The following NELL1 variants were observed in gnomAD, a reference collection of about 807,000 sequenced individuals.
NELL1 encodes the protein protein kinase C-binding protein NELL1.
In NELL1, 76 loss-of-function variants were observed where a neutral mutation model predicts 107.4. That is an observed-to-expected ratio of 0.71 (90% CI 0.59 to 0.86). The LOEUF is 0.86. Ranked by LOEUF, NELL1 falls within the 40% of genes least tolerant of loss-of-function variation. The pLI is 0.00. For synonymous variants in NELL1, 353 were observed against 341.2 expected, an observed-to-expected ratio of 1.03 and a Z score of -0.38; for missense variants, 1,024 against 1,005.5, an observed-to-expected ratio of 1.02 and a Z score of -0.25.
intron 12 of NELL1, among the ~76,000 whole-genome samples, chr11:20,965,784 G>C (rs1590471929): frequency 6.6e-6 from 1 of 152,130 alleles, no homozygotes; most frequent in Non-Finnish European, 1.5e-5. Context: ...GGCTGGGAAA[G>C]TGGTAGAGAG....
intron 12 of NELL1, among the ~76,000 whole-genome samples, chr11:21,043,503 A>T (rs189412855): frequency 2.4e-3 from 370 of 152,284 alleles, no homozygotes; most frequent in African/African-American, 8.7e-3. Flanking sequence ...GGTTCACGTT[A>T]TGAAAGGTCC....
chr11:20,690,674 T>C (rs1854439315), intron 2 of NELL1, among the ~76,000 whole-genome samples: 1 of 151,970 alleles, frequency 6.6e-6, no homozygotes, highest in South Asian at 2.1e-4. Flanking sequence ...CATGCTGTTT[T>C]GGTTACCGTA....
intron 3 of NELL1, among the ~76,000 whole-genome samples, chr11:20,795,121 T>G (rs2133995226): frequency 6.6e-6 from 1 of 152,322 alleles, no homozygotes; most frequent in South Asian, 2.1e-4. Context: ...GACATCTCTC[T>G]CACCTGGTGG....
At chr11:21,036,554 C>T (rs949502563) in intron 12 of NELL1, among the ~76,000 whole-genome samples, 1 of 152,074 alleles carries the variant, frequency 6.6e-6, no homozygotes, top group African/African-American at 2.4e-5. Flanking sequence ...TCTATTTTCT[C>T]TTCCTTGGAA....
chr11:21,217,963 A>G (rs1327747693), intron 13 of NELL1, among the ~76,000 whole-genome samples: 1 of 152,224 alleles, frequency 6.6e-6, no homozygotes, highest in Non-Finnish European at 1.5e-5. Context: ...GGAAATGAGA[A>G]GGAAGAAGAA....
At chr11:20,872,833 C>A (rs1345630808) in intron 4 of NELL1, among the ~76,000 whole-genome samples, 1 of 152,022 alleles carries the variant, frequency 6.6e-6, no homozygotes, top group East Asian at 1.9e-4. Flanking sequence ...AATCATCAGG[C>A]CTTTAGAGAG....
chr11:20,835,989 A>G (rs1358674428), intron 3 of NELL1, among the ~76,000 whole-genome samples: 1 of 152,172 alleles, frequency 6.6e-6, no homozygotes, highest in East Asian at 1.9e-4. Context: ...AGATTAAAAA[A>G]ACAAGTTATA....
chr11:20,932,647 C>T (rs941350357), intron 9 of NELL1, among the ~76,000 whole-genome samples: 2 of 152,144 alleles, frequency 1.3e-5, no homozygotes, highest in African/African-American at 4.8e-5. Context: ...GTGGTAGGGT[C>T]CGCTATTATC....
intron 15 of NELL1, 29 bp downstream of exon 15, chr11:21,370,977 G>T: frequency 6.7e-7 from 1 of 1,492,288 alleles, no homozygotes; most frequent in Non-Finnish European, 9.3e-7. Flanking sequence ...TGGGGGATAG[G>T]GACAAAGATT....
chr11:21,497,604 A>G (rs1262027820), intron 15 of NELL1, among the ~76,000 whole-genome samples: 1 of 152,074 alleles, frequency 6.6e-6, no homozygotes, highest in Admixed American at 6.6e-5. Flanking sequence ...TTTGTTTGTG[A>G]GCAAAGGCAG....
At chr11:21,550,810 T>A (rs1182380949) in intron 16 of NELL1, among the ~76,000 whole-genome samples, 3 of 151,940 alleles carry the variant, frequency 2.0e-5, no homozygotes, top group Non-Finnish European at 2.9e-5. Flanking sequence ...CTTAGGATTG[T>A]CTTGGCAATG....
At chr11:21,207,140 A>T (rs1012508353) in intron 13 of NELL1, among the ~76,000 whole-genome samples, 1 of 152,206 alleles carries the variant, frequency 6.6e-6, no homozygotes, top group African/African-American at 2.4e-5. Flanking sequence ...TAGTTTAATA[A>T]TGCATTTCTA....
At chr11:20,872,632 T>A (rs1849224078) in intron 4 of NELL1, among the ~76,000 whole-genome samples, 1 of 151,668 alleles carries the variant, frequency 6.6e-6, no homozygotes, top group Admixed American at 6.6e-5. Flanking sequence ...AGTCAAAGAA[T>A]ACTAATCCCT....
At chr11:21,528,249 A>G (rs1419213403) in intron 15 of NELL1, among the ~76,000 whole-genome samples, 1 of 152,198 alleles carries the variant, frequency 6.6e-6, no homozygotes, top group Admixed American at 6.5e-5. Flanking sequence ...GCATTATGGC[A>G]TAGGTAATTG....
At position 20,824,474 on chromosome 11, in the gene NELL1, T is replaced by C. The variant is rs139136721; in HGVS notation, c.336-23109T>C. On this transcript the variant is annotated intron_variant, in intron 3 of 19. Transcript: ENST00000357134. Reference sequence around the variant, plus strand: ...ACAGTTTGGAGGGCTCAGAAGAAGATAGGAAAATGTGGTAAAGTTTGGAAC... The same window carrying C: ...ACAGTTTGGAGGGCTCAGAAGAAGACAGGAAAATGTGGTAAAGTTTGGAAC... Among the ~76,000 whole-genome samples, 148 of 151,120 alleles carry C rather than the reference T, an allele frequency of 9.8e-4. 2 individuals carry two copies. The highest frequency in any genetic ancestry group is 3.5e-3 in the African/African-American group (145 of 41,394).
At position 21,228,982 on chromosome 11, in the gene NELL1, A is replaced by G. The variant is rs1857970870; in HGVS notation, c.1427-350A>G. 2.6e-5 allele frequency among the ~76,000 whole-genome samples: 4 copies of G among 152,018 alleles called. No individual in the cohort carries two copies. The South Asian group carries it at 6.2e-4, about 24-fold the overall frequency. ...ACCCTCTGACATATCAAATGTTTGC[A>G]GGATGAGGCAGTGCAAAATTCCCCC... On this transcript the variant is annotated intron_variant, in intron 13 of 19. Coordinates refer to ENST00000357134, the MANE Select transcript of NELL1 (RefSeq NM_006157.5).
At chr11:20,838,541 A>G (rs936548273) in intron 3 of NELL1, among the ~76,000 whole-genome samples, 4 of 151,984 alleles carry the variant, frequency 2.6e-5, no homozygotes, top group Non-Finnish European at 5.9e-5. Context: ...AAAACTTTGT[A>G]CAAATACATG....
chr11:20,997,879 G>A (rs936106585), intron 12 of NELL1, among the ~76,000 whole-genome samples: 1 of 151,906 alleles, frequency 6.6e-6, no homozygotes, highest in Non-Finnish European at 1.5e-5. Flanking sequence ...GGCTGAAGCA[G>A]GAGAATCACT....
intron 15 of NELL1, among the ~76,000 whole-genome samples, chr11:21,428,940 T>C (rs1234445149): frequency 6.6e-6 from 1 of 152,206 alleles, no homozygotes; most frequent in Non-Finnish European, 1.5e-5. Context: ...CCATTTAGCA[T>C]TGCTAATGGC....
Sources: gnomAD v4.1 joint callset for allele counts (sites outside exome capture counted in the v4.1 genomes callset) on GRCh38, gnomAD v4.1.1 for gene constraint, MANE v1.5 for transcripts, NCBI Gene and HGNC (gene_info 2026-07-23, HGNC 2026-07-21) for gene names.